The following LDLRAD4 variants were observed in gnomAD, a reference collection of about 807,000 sequenced individuals.
LDLRAD4 encodes low density lipoprotein receptor class A domain containing 4.
In LDLRAD4, 5 loss-of-function variants were observed where a neutral mutation model predicts 17.0. The observed-to-expected ratio is 0.29, with a 90% CI of 0.15 to 0.62. LDLRAD4 has a LOEUF of 0.62. LDLRAD4 is among the 20% of genes least tolerant of loss of function. The pLI, the probability that LDLRAD4 is intolerant of heterozygous loss-of-function variation, is 0.84. For synonymous variants in LDLRAD4, 168 were observed against 171.8 expected, an observed-to-expected ratio of 0.98 and a Z score of 0.17; for missense variants, 340 against 424.7, an observed-to-expected ratio of 0.80 and a Z score of 1.75.
At chr18:13,401,507 G>C (rs926181677) in intron 2 of LDLRAD4, among the ~76,000 whole-genome samples, 4 of 152,116 alleles carry the variant, frequency 2.6e-5, no homozygotes, top group Admixed American at 2.6e-4. Context: ...TGGTGTGAGC[G>C]TGAGAGGAGC....
At chr18:13,331,359 T>C (rs939567695) in intron 1 of LDLRAD4, among the ~76,000 whole-genome samples, 1 of 152,194 alleles carries the variant, frequency 6.6e-6, no homozygotes, top group African/African-American at 2.4e-5. Context: ...TCAGAAGACT[T>C]CTGTGTTGAT....
intron 3 of LDLRAD4, among the ~76,000 whole-genome samples, chr18:13,497,318 C>T (rs574533076): frequency 2.6e-5 from 4 of 151,380 alleles, no homozygotes; most frequent in Admixed American, 1.3e-4. Flanking sequence ...CTGGGACTAC[C>T]GGGACATGCC....
chr18:13,552,362 T>C (rs1034804891), intron 3 of LDLRAD4, among the ~76,000 whole-genome samples: 5 of 152,222 alleles, frequency 3.3e-5, no homozygotes, highest in Non-Finnish European at 7.3e-5. Flanking sequence ...TGCCTGCATG[T>C]CACTTCTTTC....
At chr18:13,504,705 G>T (rs1472309813) in intron 3 of LDLRAD4, among the ~76,000 whole-genome samples, 1 of 152,200 alleles carries the variant, frequency 6.6e-6, no homozygotes, top group East Asian at 1.9e-4. Flanking sequence ...TGGGATTACA[G>T]GCATGAAAGA....
intron 1 of LDLRAD4, among the ~76,000 whole-genome samples, chr18:13,360,300 T>G (rs1179276857): frequency 6.6e-6 from 1 of 152,220 alleles, no homozygotes; most frequent in African/African-American, 2.4e-5. Flanking sequence ...CTGTAGAGAT[T>G]CCCTTCTCAG....
intron 1 of LDLRAD4, among the ~76,000 whole-genome samples, chr18:13,328,723 C>T (rs2143653851): frequency 6.6e-6 from 1 of 152,134 alleles, no homozygotes; most frequent in South Asian, 2.1e-4. Flanking sequence ...TTAAAATTTG[C>T]GTTTTTAGTC....
rs1290895130 is a variant in LDLRAD4 at position 13,621,069 on chromosome 18, G to A, written c.182-48G>A. 2 of 1,613,148 alleles carry A rather than the reference G, an allele frequency of 1.2e-6. No homozygotes were observed. The highest frequency in any genetic ancestry group is 1.7e-6 in the Non-Finnish European group (2 of 1,179,442). On this transcript the variant is annotated intron_variant, in intron 3 of 5. Coordinates refer to ENST00000359446, the Ensembl canonical transcript of LDLRAD4. This position sits in a 1 kb window ranked among gnomAD's most constrained non-coding sequence, Gnocchi z 5.5. ...TGGTGACAGTGCCTGGAGAATGGGT[G>A]GGGACTGGAGGGGCCAGGTGGCTAA... is the stretch of plus-strand genomic sequence containing the variant.
intron 1 of LDLRAD4, among the ~76,000 whole-genome samples, chr18:13,293,264 C>G (rs542761312): frequency 6.6e-6 from 1 of 152,318 alleles, no homozygotes; most frequent in Non-Finnish European, 1.5e-5. Flanking sequence ...GGAGAGGAGA[C>G]AATATTCCAG....
At chr18:13,542,057 C>G (rs898573810) in intron 3 of LDLRAD4, among the ~76,000 whole-genome samples, 32 of 152,116 alleles carry the variant, frequency 2.1e-4, no homozygotes, top group African/African-American at 6.5e-4. Context: ...GCCCTGGCAA[C>G]AGAGTAAGAC....
chr18:13,633,732 C>T (rs2041865000), intron 4 of LDLRAD4, among the ~76,000 whole-genome samples: 1 of 152,220 alleles, frequency 6.6e-6, no homozygotes, highest in Non-Finnish European at 1.5e-5. Flanking sequence ...GGAGCAGGCA[C>T]TTCTGAGCCT....
chr18:13,651,868 T>TAACA lies in LDLRAD4; in HGVS notation c.*6212_*6215dup, dbSNP rs1315154909. 13 of 152,328 alleles carry TAACA rather than the reference T, an allele frequency of 8.5e-5. No homozygotes were observed. The South Asian group carries it at 1.7e-3, about 19-fold the overall frequency. The allele number at this position is 152,328 out of a possible 1,614,324, so 9.4% of individuals were successfully genotyped here. A position where few individuals can be genotyped will look rare whatever the true frequency, so the allele number is the denominator to read the frequency against. On this transcript the variant is annotated 3_prime_UTR_variant, in exon 6 of 6. Transcript: ENST00000359446. ...ATGTCAGATTCTATAATCATACCCC[T>TAACA]AACATCCAGGAAACAAATGACAGAT...
intron 1 of LDLRAD4, among the ~76,000 whole-genome samples, chr18:13,331,080 G>T (rs926905107): frequency 3.9e-5 from 6 of 152,202 alleles, no homozygotes; most frequent in Admixed American, 3.9e-4. Flanking sequence ...GTAAATAAGT[G>T]TTTCCTTGAG....
intron 3 of LDLRAD4, among the ~76,000 whole-genome samples, chr18:13,565,250 A>G (rs8096821): frequency 0.43 from 65,590 of 152,096 alleles, 15,091 homozygotes; most frequent in Middle Eastern, 0.53. Context: ...AGGGTTGGCC[A>G]GGGGTGTCCA....
intron 1 of LDLRAD4, among the ~76,000 whole-genome samples, chr18:13,341,899 A>G (rs1419621655): frequency 6.6e-6 from 1 of 152,044 alleles, no homozygotes; most frequent in East Asian, 1.9e-4. Flanking sequence ...ATGTTGAGGT[A>G]ATTTTCTTTT....
chr18:13,385,061 A>G (rs1477405774), intron 1 of LDLRAD4, among the ~76,000 whole-genome samples: 1 of 152,216 alleles, frequency 6.6e-6, no homozygotes, highest in African/African-American at 2.4e-5. Context: ...GAACCTCCAT[A>G]CTGTTTTCCG....
intron 1 of LDLRAD4, among the ~76,000 whole-genome samples, chr18:13,287,893 G>A (rs2045722265): frequency 6.6e-6 from 1 of 152,182 alleles, no homozygotes; most frequent in Admixed American, 6.5e-5. Context: ...TATCTCACAA[G>A]AGGCAAAGAC....
At chr18:13,349,257 G>A (rs558915855) in intron 1 of LDLRAD4, among the ~76,000 whole-genome samples, 1 of 152,206 alleles carries the variant, frequency 6.6e-6, no homozygotes, top group South Asian at 2.1e-4. Flanking sequence ...TAATATCAAT[G>A]TCATACAAAA....
intron 3 of LDLRAD4, among the ~76,000 whole-genome samples, chr18:13,466,093 A>G (rs1321392935): frequency 6.6e-6 from 1 of 152,230 alleles, no homozygotes; most frequent in Non-Finnish European, 1.5e-5. Context: ...AATCTTTAAA[A>G]TGGTGCTCCG....
rs1288334922 is a variant in LDLRAD4 at position 13,436,125 on chromosome 18, TAAAG to T, written c.41-2116_41-2113del. On this transcript the variant is annotated intron_variant, in intron 2 of 5. Coordinates refer to ENST00000359446, the Ensembl canonical transcript of LDLRAD4. Reference sequence around the variant, plus strand: ...GCGGCCCTCTAGATTATGAAGGAGATAAAGAAGGGAAATGTTTGGCCTTGGAAGG... The same window carrying T: ...GCGGCCCTCTAGATTATGAAGGAGATAAGGGAAATGTTTGGCCTTGGAAGG... Among the ~76,000 whole-genome samples the T allele has an allele frequency of 2.0e-5, 3 of 152,136 alleles. No individual in the cohort carries two copies. In the East Asian group the frequency reaches 5.8e-4, roughly 29 times the overall value.
Sources: gnomAD v4.1 joint callset for allele counts (sites outside exome capture counted in the v4.1 genomes callset) on GRCh38, gnomAD v4.1.1 for gene constraint, Gnocchi (gnomAD v3.1) non-coding constraint, MANE v1.5 for transcripts, NCBI Gene and HGNC (gene_info 2026-07-23, HGNC 2026-07-21) for gene names.